The following MACROD2 variants were observed in gnomAD, a reference collection of about 807,000 sequenced individuals.
The protein encoded by MACROD2 is mono-ADP ribosylhydrolase 2.
In MACROD2, 36 loss-of-function variants were observed where a neutral mutation model predicts 70.4. The observed-to-expected ratio is 0.51, with a 90% confidence interval of 0.39 to 0.68. The LOEUF is 0.68. Among genes scored for constraint, MACROD2 ranks in the 30% least tolerant of loss-of-function variants. The pLI is 0.00. For synonymous variants in MACROD2, 172 were observed against 178.8 expected (o/e 0.96, Z 0.30); for missense variants, 496 against 538.4 (o/e 0.92, Z 0.78).
chr20:14,306,850 G>A (rs1440221893), intron 3 of MACROD2, among the ~76,000 whole-genome samples: 1 of 152,104 alleles, frequency 6.6e-6, no homozygotes. Context: ...AGGAGTGCCA[G>A]TTAGCCATGA....
chr20:15,260,856 C>A (rs1291417732), intron 6 of MACROD2, among the ~76,000 whole-genome samples: 1 of 151,962 alleles, frequency 6.6e-6, no homozygotes, highest in African/African-American at 2.4e-5. Context: ...CCATTTTTCT[C>A]TTTGATATTA....
chr20:15,871,231 A>ATTAC (rs1342482654), intron 9 of MACROD2, among the ~76,000 whole-genome samples: 1 of 152,030 alleles, frequency 6.6e-6, no homozygotes, highest in Non-Finnish European at 1.5e-5. Context: ...AAAATTAAAA[A>ATTAC]TTACTTCTCT....
intron 5 of MACROD2, among the ~76,000 whole-genome samples, chr20:14,833,009 A>G (rs73266733): frequency 0.023 from 3,498 of 152,242 alleles, 147 homozygotes; most frequent in African/African-American, 0.079. Flanking sequence ...TGATGGAAAC[A>G]TTGTGTGTCC....
chr20:15,233,835 T>C (rs1477992577), intron 6 of MACROD2, among the ~76,000 whole-genome samples: 2 of 150,672 alleles, frequency 1.3e-5, no homozygotes, highest in Non-Finnish European at 3.0e-5. Context: ...TGAAAAAATA[T>C]GACCAATCTT....
chr20:15,514,858 A>G (rs1204288953), intron 8 of MACROD2, among the ~76,000 whole-genome samples: 2 of 152,244 alleles, frequency 1.3e-5, no homozygotes, highest in Admixed American at 6.5e-5. Context: ...TTCCAAGTTC[A>G]TAACTACAAT....
intron 8 of MACROD2, among the ~76,000 whole-genome samples, chr20:15,604,712 G>T (rs1008366903): frequency 2.0e-5 from 3 of 152,200 alleles, no homozygotes; most frequent in Non-Finnish European, 2.9e-5. Context: ...GGTGAAATAC[G>T]ATTTGGGGTT....
chr20:14,377,983 G>T, intron 3 of MACROD2, among the ~76,000 whole-genome samples: 1 of 152,136 alleles, frequency 6.6e-6, no homozygotes. Context: ...TCATAAGAGT[G>T]CAGGCTGTAC....
At chr20:15,081,364 G>A (rs78120962) in intron 5 of MACROD2, among the ~76,000 whole-genome samples, 15,317 of 152,098 alleles carry the variant, frequency 0.1, 938 homozygotes, top group Middle Eastern at 0.18. Context: ...TCACAATCTG[G>A]CACTTTGTAG....
chr20:14,619,513 AAGGAGG>A (rs1983703792), intron 4 of MACROD2, among the ~76,000 whole-genome samples: 5 of 115,092 alleles, frequency 4.3e-5, no homozygotes, highest in Admixed American at 9.5e-5. Context: ...GGAAGGAGGA[AAGGAGG>A]GAAGGAGGGA....
chr20:15,135,272 T>G (rs866153135), intron 5 of MACROD2, among the ~76,000 whole-genome samples: 3,259 of 151,042 alleles, frequency 0.022, 124 homozygotes, highest in African/African-American at 0.075. Context: ...AAAAGAGAAT[T>G]TTAGACCAAT....
intron 6 of MACROD2, among the ~76,000 whole-genome samples, chr20:15,383,068 T>A (rs567142867): frequency 2.6e-5 from 4 of 152,314 alleles, no homozygotes; most frequent in African/African-American, 9.6e-5. Flanking sequence ...ATGACGAATC[T>A]GAAAATTCCA....
chr20:15,542,986 C>G (rs1276694991), intron 8 of MACROD2, among the ~76,000 whole-genome samples: 1 of 152,158 alleles, frequency 6.6e-6, no homozygotes, highest in Non-Finnish European at 1.5e-5. Flanking sequence ...CCTTTACAGC[C>G]TGGGCTTCTG....
At chr20:14,577,794 A>AAGAGAAGAGAAGAG (rs1980697589) in intron 4 of MACROD2, among the ~76,000 whole-genome samples, 2 of 137,826 alleles carry the variant, frequency 1.5e-5, no homozygotes. Flanking sequence ...AAAGAAAAGG[A>AAGAGAAGAGAAGAG]AAGAGAAGAG....
chr20:15,385,712 C>T (rs974047088), intron 6 of MACROD2, among the ~76,000 whole-genome samples: 1 of 152,116 alleles, frequency 6.6e-6, no homozygotes, highest in Non-Finnish European at 1.5e-5. Flanking sequence ...TATTCTTGGT[C>T]TCTTTCCATT....
chr20:15,422,698 T>C (rs1247035158), intron 6 of MACROD2, among the ~76,000 whole-genome samples: 1 of 152,200 alleles, frequency 6.6e-6, no homozygotes, highest in Non-Finnish European at 1.5e-5. Context: ...GCATTCAGGA[T>C]ACTATAAAAT....
chr20:15,675,439 A>G (rs1033570406), intron 8 of MACROD2, among the ~76,000 whole-genome samples: 29 of 152,206 alleles, frequency 1.9e-4, no homozygotes, highest in African/African-American at 5.1e-4. Flanking sequence ...TAAACTATTA[A>G]TCTACTTTTA....
chr20:15,943,262 G>A lies in MACROD2; in HGVS notation c.907+5718G>A, dbSNP rs1412875593. 2.0e-5 allele frequency among the ~76,000 whole-genome samples: 3 copies of A among 152,156 alleles called. No homozygotes were observed. The South Asian group carries it at 6.2e-4, about 32-fold the overall frequency. On this transcript the variant is annotated intron_variant, in intron 12 of 17. Coordinates refer to ENST00000684519, the MANE Select transcript of MACROD2 (RefSeq NM_001351661.2). ...AGTGGTGTGGACTCAAAATTGCTCTGGAAAACGGCATTGTTTCTGTTCTTT... is the reference window on the plus strand; with the variant it reads ...AGTGGTGTGGACTCAAAATTGCTCTAGAAAACGGCATTGTTTCTGTTCTTT...
chr20:14,653,309 C>T (rs1436767805), intron 4 of MACROD2, among the ~76,000 whole-genome samples: 1 of 151,532 alleles, frequency 6.6e-6, no homozygotes, highest in African/African-American at 2.4e-5. Context: ...AGCTCCGCCT[C>T]CCGGGTTCAC....
chr20:15,777,365 A>G (rs2051738829), intron 8 of MACROD2, among the ~76,000 whole-genome samples: 1 of 152,060 alleles, frequency 6.6e-6, no homozygotes, highest in Non-Finnish European at 1.5e-5. Context: ...CGGTTTGGTT[A>G]AGTAAAATTT....
Sources: allele counts gnomAD v4.1 joint callset (sites outside exome capture counted in the v4.1 genomes callset), GRCh38; gene constraint gnomAD v4.1.1; transcripts MANE v1.5; gene names NCBI Gene and HGNC (gene_info 2026-07-23, HGNC 2026-07-21).